The following HEMK2 variants were observed in gnomAD, a reference collection of about 807,000 sequenced individuals.
HEMK2 encodes the protein methyltransferase HEMK2.
At chr21:28,696,920 C>A in the HEMK2 span, among the ~76,000 whole-genome samples, 17 of 152,328 alleles carry the variant, frequency 1.1e-4, no homozygotes, top group Admixed American at 3.9e-4. Flanking sequence ...CCTCTTCTAG[C>A]CATGGCTGGA....
the HEMK2 span, among the ~76,000 whole-genome samples, chr21:28,579,248 G>A: frequency 6.6e-6 from 1 of 152,106 alleles, no homozygotes; most frequent in Non-Finnish European, 1.5e-5. Flanking sequence ...TTGCCTTATA[G>A]ACTATTAACC....
chr21:28,668,609 T>C, the HEMK2 span, among the ~76,000 whole-genome samples: 1 of 152,330 alleles, frequency 6.6e-6, no homozygotes, highest in African/African-American at 2.4e-5. Context: ...CCAATAGCTA[T>C]GTAACAAGGA....
At chr21:28,854,908 C>G in the HEMK2 span, among the ~76,000 whole-genome samples, 1 of 152,166 alleles carries the variant, frequency 6.6e-6, no homozygotes, top group African/African-American at 2.4e-5. Context: ...CAAGTTGACA[C>G]TCAATATTAA....
At chr21:28,663,746 T>G in the HEMK2 span, among the ~76,000 whole-genome samples, 1 of 152,240 alleles carries the variant, frequency 6.6e-6, no homozygotes, top group African/African-American at 2.4e-5. Flanking sequence ...TGTCAGCCAC[T>G]ACCATGATCA....
the HEMK2 span, among the ~76,000 whole-genome samples, chr21:28,642,711 A>G: frequency 6.6e-6 from 1 of 152,238 alleles, no homozygotes; most frequent in Non-Finnish European, 1.5e-5. Flanking sequence ...CCTGAAGCCC[A>G]GCCATCTCCG....
At chr21:28,811,018 G>A in the HEMK2 span, among the ~76,000 whole-genome samples, 1 of 152,180 alleles carries the variant, frequency 6.6e-6, no homozygotes, top group Non-Finnish European at 1.5e-5. Context: ...AAAAGGCTAA[G>A]TTGTGCAATA....
the HEMK2 span, among the ~76,000 whole-genome samples, chr21:28,811,351 A>G: frequency 6.8e-6 from 1 of 147,670 alleles, no homozygotes; most frequent in African/African-American, 2.5e-5. Flanking sequence ...GAAAGGAAGG[A>G]AGGAAGGGAG....
the HEMK2 span, among the ~76,000 whole-genome samples, chr21:28,862,365 C>T: frequency 1.7e-5 from 2 of 121,022 alleles, no homozygotes; most frequent in South Asian, 2.2e-4. Flanking sequence ...AGTCGCCGGG[C>T]GCGGTGGGTC....
At chr21:28,815,620 C>T in the HEMK2 span, among the ~76,000 whole-genome samples, 1 of 152,008 alleles carries the variant, frequency 6.6e-6, no homozygotes, top group East Asian at 1.9e-4. Context: ...TCCATGCCTC[C>T]AACACATTCA....
At chr21:28,730,124 T>C in the HEMK2 span, among the ~76,000 whole-genome samples, 1 of 151,928 alleles carries the variant, frequency 6.6e-6, no homozygotes, top group African/African-American at 2.4e-5. Flanking sequence ...AGACCTATAA[T>C]CCCAGCACTT....
chr21:28,764,491 A>G, the HEMK2 span, among the ~76,000 whole-genome samples: 4 of 152,124 alleles, frequency 2.6e-5, no homozygotes, highest in African/African-American at 4.8e-5. Flanking sequence ...AAAAGCTACA[A>G]TGAAACCTGT....
At chr21:28,681,258 G>C in the HEMK2 span, among the ~76,000 whole-genome samples, 8 of 151,988 alleles carry the variant, frequency 5.3e-5, no homozygotes, top group African/African-American at 1.9e-4. Context: ...ACACCAATAA[G>C]AGACAAACAG....
chr21:28,761,032 C>T, the HEMK2 span, among the ~76,000 whole-genome samples: 6 of 151,940 alleles, frequency 3.9e-5, no homozygotes, highest in Admixed American at 3.9e-4. Flanking sequence ...AAAAATAATT[C>T]CAGTGATTTT....
chr21:28,584,717 C>T, the HEMK2 span, among the ~76,000 whole-genome samples: 36 of 151,918 alleles, frequency 2.4e-4, no homozygotes, highest in African/African-American at 8.5e-4. Context: ...TGGACTTGGG[C>T]GGAGTAGGAA....
chr21:28,590,924 A>G, the HEMK2 span, among the ~76,000 whole-genome samples: 3 of 152,230 alleles, frequency 2.0e-5, no homozygotes, highest in Non-Finnish European at 4.4e-5. Flanking sequence ...CTCTGTTTTC[A>G]AGGAGTGAAT....
chr21:28,712,277 C>T, the HEMK2 span, among the ~76,000 whole-genome samples: 3 of 152,196 alleles, frequency 2.0e-5, no homozygotes, highest in Non-Finnish European at 4.4e-5. Flanking sequence ...AGATTACTTA[C>T]ACTCAAATCC....
the HEMK2 span, among the ~76,000 whole-genome samples, chr21:28,776,051 G>C: frequency 2.6e-5 from 4 of 152,084 alleles, no homozygotes; most frequent in Non-Finnish European, 5.9e-5. Context: ...AGGAGTTATA[G>C]GTTTTAACCC....
At chr21:28,590,151 G>A in the HEMK2 span, among the ~76,000 whole-genome samples, 2 of 152,052 alleles carry the variant, frequency 1.3e-5, no homozygotes, top group South Asian at 4.1e-4. Context: ...CTTATTCTTT[G>A]CTCTTTGGCA....
chr21:28,753,847 C>A, the HEMK2 span, among the ~76,000 whole-genome samples: 3 of 152,200 alleles, frequency 2.0e-5, no homozygotes, highest in African/African-American at 7.2e-5. Context: ...ACACGCAATG[C>A]CCTCCTGTCT....
Sources: allele counts gnomAD v4.1 joint callset (sites outside exome capture counted in the v4.1 genomes callset), GRCh38; gene constraint gnomAD v4.1.1; transcripts MANE v1.5; gene names NCBI Gene and HGNC (gene_info 2026-07-23, HGNC 2026-07-21).